The following CDH13 variants were observed in gnomAD, a reference collection of about 807,000 sequenced individuals.
CDH13 encodes the protein cadherin-13.
A neutral mutation model predicts 63.8 loss-of-function variants in CDH13; 24 were observed. The observed-to-expected ratio is 0.38, with a 90% CI of 0.27 to 0.53. CDH13 has a LOEUF of 0.53. CDH13 is among the 20% of genes least tolerant of loss of function. The pLI, the probability that CDH13 is intolerant of heterozygous loss-of-function variation, is 0.85. For missense variants in CDH13, 1,049 were observed against 903.1 expected, an observed-to-expected ratio of 1.16 and a Z score of -2.07; for synonymous variants, 503 against 355.3, an observed-to-expected ratio of 1.42 and a Z score of -4.67.
chr16:83,668,788 C>T (rs570637904), intron 8 of CDH13, among the ~76,000 whole-genome samples: 11 of 152,314 alleles, frequency 7.2e-5, no homozygotes, highest in African/African-American at 2.6e-4. Context: ...GTGCAATCAT[C>T]TTCATCTGTA....
intron 5 of CDH13, among the ~76,000 whole-genome samples, chr16:83,270,699 A>G (rs921320946): frequency 6.6e-6 from 1 of 152,144 alleles, no homozygotes; most frequent in African/African-American, 2.4e-5. Flanking sequence ...ATATTTTTCA[A>G]GACACGTTCC....
At chr16:82,768,004 C>T (rs1386637529) in intron 1 of CDH13, among the ~76,000 whole-genome samples, 2 of 151,902 alleles carry the variant, frequency 1.3e-5, no homozygotes, top group African/African-American at 4.8e-5. Flanking sequence ...CCAAGGGGAC[C>T]ATCCCTGAGT....
chr16:83,710,277 A>C (rs1015382654), intron 10 of CDH13: 3 of 152,244 alleles, frequency 2.0e-5, no homozygotes, highest in African/African-American at 7.2e-5. Context: ...ACAGGCTGCA[A>C]CTTGGCCAAA....
intron 6 of CDH13, among the ~76,000 whole-genome samples, chr16:83,379,632 G>T (rs185394104): frequency 2.0e-4 from 30 of 152,024 alleles, no homozygotes; most frequent in African/African-American, 6.5e-4. Context: ...TATTTGCCAG[G>T]CTCCTGGTTT....
chr16:82,910,579 C>T (rs1316243600), intron 2 of CDH13, among the ~76,000 whole-genome samples: 1 of 152,120 alleles, frequency 6.6e-6, no homozygotes, highest in African/African-American at 2.4e-5. Flanking sequence ...TTTCATTAAA[C>T]TCTAGTCTCA....
chr16:83,626,412 T>C (rs1400624568), intron 8 of CDH13, among the ~76,000 whole-genome samples: 1 of 152,112 alleles, frequency 6.6e-6, no homozygotes, highest in East Asian at 1.9e-4. Flanking sequence ...TAGGATGTAG[T>C]TGGCGCTCAG....
intron 5 of CDH13, among the ~76,000 whole-genome samples, chr16:83,220,856 G>T (rs923359038): frequency 6.6e-6 from 1 of 152,134 alleles, no homozygotes; most frequent in Admixed American, 6.6e-5. Flanking sequence ...AAATAATCTG[G>T]AATACATTTG....
At chr16:83,126,619 G>A (rs2151646616) in intron 4 of CDH13, among the ~76,000 whole-genome samples, 1 of 152,286 alleles carries the variant, frequency 6.6e-6, no homozygotes. Flanking sequence ...GGTAGCTTAG[G>A]AGAAGGGACA....
intron 6 of CDH13, among the ~76,000 whole-genome samples, chr16:83,369,228 A>C (rs964877564): frequency 9.9e-5 from 15 of 151,850 alleles, no homozygotes; most frequent in Non-Finnish European, 1.5e-4. Flanking sequence ...TGCGGGGAAA[A>C]GGGAACACTT....
rs376429801 is a variant in CDH13, at chr16:83,071,576, A to C, written c.366+39358A>C. On this transcript the variant is annotated intron_variant, in intron 3 of 13. Transcript: ENST00000567109. ...TGAGGAAGGGAGGCTTGTTCACTTC[A>C]GGGAGCTGTGGTCGCTTCCCCTGTG... 2.6e-5 allele frequency among the ~76,000 whole-genome samples: 4 copies of C among 152,180 alleles called. No individual in the cohort carries two copies. The East Asian group carries it at 5.8e-4, about 22-fold the overall frequency.
rs144960303 is a variant in CDH13 at position 82,686,125 on chromosome 16, A to G, written c.45+58988A>G. ...TCAGAAATTTGGGTAATGCATCCTC[A>G]TCTTAATTATCAAAATACAGGGTTA... is the stretch of plus-strand genomic sequence containing the variant. On this transcript the variant is annotated intron_variant, in intron 1 of 13. Transcript: ENST00000567109. 2.9e-3 allele frequency among the ~76,000 whole-genome samples: 444 copies of G among 152,276 alleles called. 2 individuals are homozygous for G. The highest frequency in any genetic ancestry group is 0.016 in the South Asian group (76 of 4,826).
intron 7 of CDH13, among the ~76,000 whole-genome samples, chr16:83,593,215 C>T (rs9930727): frequency 0.69 from 105,670 of 152,152 alleles, 36,879 homozygotes; most frequent in Middle Eastern, 0.74. Context: ...AAAGAGGAAA[C>T]GAATGAATGA....
chr16:83,222,721 C>T (rs544285976), intron 5 of CDH13, among the ~76,000 whole-genome samples: 4 of 152,144 alleles, frequency 2.6e-5, no homozygotes, highest in Non-Finnish European at 4.4e-5. Context: ...AACAAAATCA[C>T]CTCCAACTAG....
intron 6 of CDH13, among the ~76,000 whole-genome samples, chr16:83,378,521 G>A (rs544076974): frequency 6.6e-6 from 1 of 152,140 alleles, no homozygotes; most frequent in African/African-American, 2.4e-5. Flanking sequence ...AGTTGGATTG[G>A]CCATACCTTC....
intron 5 of CDH13, among the ~76,000 whole-genome samples, chr16:83,244,595 C>T (rs1270915837): frequency 1.3e-5 from 2 of 152,180 alleles, no homozygotes; most frequent in Admixed American, 6.5e-5. Context: ...TGGTCCCCAA[C>T]ACCACCCTCA....
At chr16:82,753,714 G>A (rs922290465) in intron 1 of CDH13, among the ~76,000 whole-genome samples, 9 of 152,174 alleles carry the variant, frequency 5.9e-5, no homozygotes, top group African/African-American at 2.2e-4. Context: ...TCATCTCAGA[G>A]TTTTGCCATC....
chr16:83,598,155 A>G (rs1907449391), intron 7 of CDH13, among the ~76,000 whole-genome samples: 1 of 152,168 alleles, frequency 6.6e-6, no homozygotes, highest in African/African-American at 2.4e-5. Flanking sequence ...TGCTTGAGCT[A>G]AGGAGTTCAG....
At chr16:83,501,934 A>C (rs1299931226) in intron 7 of CDH13, among the ~76,000 whole-genome samples, 2 of 152,224 alleles carry the variant, frequency 1.3e-5, no homozygotes, top group Non-Finnish European at 2.9e-5. Context: ...CATGTGGTAC[A>C]GTGGCTCAGA....
At chr16:82,879,074 C>G (rs1385539275) in intron 2 of CDH13, among the ~76,000 whole-genome samples, 1 of 152,102 alleles carries the variant, frequency 6.6e-6, no homozygotes, top group Non-Finnish European at 1.5e-5. Flanking sequence ...CCCACCAGCT[C>G]CATATTCTGG....
Sources: allele counts gnomAD v4.1 joint callset (sites outside exome capture counted in the v4.1 genomes callset), GRCh38; gene constraint gnomAD v4.1.1; transcripts MANE v1.5; gene names NCBI Gene and HGNC (gene_info 2026-07-23, HGNC 2026-07-21).